Variants in PRKG1 observed in about 807,000 individuals in gnomAD.
PRKG1 encodes protein kinase cGMP-dependent 1, also known as cGMP-dependent protein kinase 1.
A neutral mutation model predicts 88.1 loss-of-function variants in PRKG1; 35 were observed. That is an observed-to-expected ratio of 0.40 (90% CI 0.30 to 0.53). The LOEUF is 0.53. Ranked by LOEUF, PRKG1 falls within the 20% of genes least tolerant of loss-of-function variation. The probability of loss-of-function intolerance (pLI) is 0.59; values close to 1 mark genes in which losing one functional copy is unlikely to be tolerated. For missense variants in PRKG1, 540 were observed against 839.8 expected, an observed-to-expected ratio of 0.64 and a Z score of 4.41; for synonymous variants, 303 against 292.5, an observed-to-expected ratio of 1.04 and a Z score of -0.37.
At chr10:50,993,247 T>C (rs1335680636) in intron 1 of PRKG1, among the ~76,000 whole-genome samples, 1 of 152,198 alleles carries the variant, frequency 6.6e-6, no homozygotes, top group Non-Finnish European at 1.5e-5. Context: ...AGGACTCCTC[T>C]TAAGGAATTG....
Position 51,847,496 on chromosome 10 carries a change from A to G in PRKG1, c.698+42806A>G, listed in dbSNP as rs565732061. The stretch of plus-strand genomic sequence containing the variant: ...TAAAATCTAAAATGAGAAAACCAAT[A>G]TATGTAATTACTCATTGCAAATGAT... On this transcript the variant is annotated intron_variant, in intron 4 of 17. Transcript: ENST00000373980. Among the ~76,000 whole-genome samples the G allele has an allele frequency of 8.5e-5, 13 of 152,164 alleles. No homozygotes were observed. The South Asian group carries it at 2.3e-3, about 27-fold the overall frequency.
chr10:51,464,230 G>T (rs937790231), intron 2 of PRKG1, among the ~76,000 whole-genome samples: 1 of 151,924 alleles, frequency 6.6e-6, no homozygotes, highest in Admixed American at 6.6e-5. Flanking sequence ...AGAGTTTGCC[G>T]TGAGCCAAGA....
intron 7 of PRKG1, among the ~76,000 whole-genome samples, chr10:52,113,567 G>A (rs1335740781): frequency 1.3e-5 from 2 of 152,196 alleles, no homozygotes; most frequent in Non-Finnish European, 1.5e-5. Context: ...AAATAGCGCA[G>A]CAGATATCTG....
In PRKG1 at chr10:51,405,156, T is replaced by C. The variant is rs545826708; in HGVS notation, c.479-62567T>C. Among the ~76,000 whole-genome samples the C allele has an allele frequency of 1.6e-3, 241 of 152,326 alleles. 2 individuals carry two copies. The highest frequency in any genetic ancestry group is 4.7e-4 in the Non-Finnish European group (32 of 68,018). ...TGTTTATTTTTGTGCCACTCATCCA[T>C]CATTCTAAATAGTGGTGGCACATTT... On this transcript the variant is annotated intron_variant, in intron 2 of 17. Coordinates refer to ENST00000373980, the MANE Select transcript of PRKG1 (RefSeq NM_006258.4).
chr10:51,000,624 T>C (rs1201034294), intron 1 of PRKG1, among the ~76,000 whole-genome samples: 1 of 152,194 alleles, frequency 6.6e-6, no homozygotes, highest in Non-Finnish European at 1.5e-5. Flanking sequence ...GAGAAGTGAA[T>C]TTATTTTATA....
At chr10:51,746,022 C>T (rs1475075293) in intron 3 of PRKG1, among the ~76,000 whole-genome samples, 2 of 152,064 alleles carry the variant, frequency 1.3e-5, no homozygotes, top group Non-Finnish European at 2.9e-5. Flanking sequence ...TTTTTGTTTG[C>T]TTTTTTAAAT....
At chr10:51,615,738 G>A (rs907275109) in intron 3 of PRKG1, among the ~76,000 whole-genome samples, 18 of 148,614 alleles carry the variant, frequency 1.2e-4, no homozygotes, top group Admixed American at 4.0e-4. Context: ...ATCTCTTTGT[G>A]TTGTTTTTCA....
At chr10:51,305,847 C>T (rs539898172) in intron 2 of PRKG1, among the ~76,000 whole-genome samples, 4 of 152,274 alleles carry the variant, frequency 2.6e-5, no homozygotes, top group East Asian at 3.9e-4. Context: ...ATTAATATCA[C>T]GTTCCTGATA....
chr10:51,154,533 C>A (rs1285426494), intron 2 of PRKG1, among the ~76,000 whole-genome samples: 1 of 151,896 alleles, frequency 6.6e-6, no homozygotes, highest in African/African-American at 2.4e-5. Flanking sequence ...GTATAGAACA[C>A]CACAACATAA....
intron 3 of PRKG1, among the ~76,000 whole-genome samples, chr10:51,537,647 GA>G (rs552815747): frequency 4.8e-4 from 70 of 146,782 alleles, no homozygotes; most frequent in African/African-American, 1.7e-3. Context: ...AGAATCACTT[GA>G]ACCCAGGAGG....
At chr10:52,167,705 G>A (rs1429676794) in intron 9 of PRKG1, among the ~76,000 whole-genome samples, 1 of 151,570 alleles carries the variant, frequency 6.6e-6, no homozygotes, top group African/African-American at 2.4e-5. Context: ...ACTACTTTGT[G>A]TCGTGACATT....
At chr10:50,995,907 C>T (rs1316990207) in intron 1 of PRKG1, among the ~76,000 whole-genome samples, 1 of 152,148 alleles carries the variant, frequency 6.6e-6, no homozygotes, top group African/African-American at 2.4e-5. Context: ...GGCATGGATG[C>T]CTTGGGATGG....
intron 14 of PRKG1, among the ~76,000 whole-genome samples, chr10:52,287,698 TA>T (rs34027188): frequency 0.63 from 86,518 of 138,026 alleles, 26,353 homozygotes; most frequent in East Asian, 0.75. Flanking sequence ...ATGGATCAGT[TA>T]AAAAAAAAAA....
intron 1 of PRKG1, among the ~76,000 whole-genome samples, chr10:51,135,825 G>C (rs1845671522): frequency 6.6e-6 from 1 of 151,910 alleles, no homozygotes; most frequent in African/African-American, 2.4e-5. Flanking sequence ...ATGGATATTG[G>C]GGGAGCAGTT....
At chr10:51,721,881 T>C (rs929433778) in intron 3 of PRKG1, among the ~76,000 whole-genome samples, 6 of 152,224 alleles carry the variant, frequency 3.9e-5, no homozygotes, top group Non-Finnish European at 8.8e-5. Context: ...CATTTAGCTA[T>C]AAACATGCAT....
chr10:51,023,971 T>C (rs1843170112), intron 1 of PRKG1, among the ~76,000 whole-genome samples: 1 of 152,216 alleles, frequency 6.6e-6, no homozygotes, highest in Non-Finnish European at 1.5e-5. Flanking sequence ...TAGTGAAACA[T>C]TTATGCCATT....
chr10:51,461,235 A>T (rs1415080317), intron 2 of PRKG1, among the ~76,000 whole-genome samples: 3 of 152,132 alleles, frequency 2.0e-5, no homozygotes, highest in Admixed American at 2.0e-4. Context: ...TTCAACCTCA[A>T]CTAGACTTTT....
At chr10:51,424,510 C>T (rs1276475978) in intron 2 of PRKG1, among the ~76,000 whole-genome samples, 1 of 152,094 alleles carries the variant, frequency 6.6e-6, no homozygotes, top group African/African-American at 2.4e-5. Context: ...CTAAAATTAA[C>T]TGTCTTCTTG....
chr10:52,251,641 T>C lies in PRKG1; in HGVS notation c.1148T>C (p.Val383Ala), dbSNP rs1841172020. ...TTCAACATCATTGATACCCTTGGAG[T>C]TGGAGGTTTCGGACGAGTAGAACTG... Reference protein sequence around the residue: ...SDFNIIDTLGVGGFGRVELVQ... With the variant: ...SDFNIIDTLGAGGFGRVELVQ... Residue 383 changes from valine (V) to alanine (A), a missense_variant, in exon 10 of 18, where the codon GTT (valine) becomes GCT (alanine). Physicochemically the swap from Val to Ala is moderately conservative, Grantham distance 64 (BLOSUM62 0). This residue lies in a region of PRKG1 where 400 missense variants were observed against 562.7 expected (regional missense o/e 0.71). Coordinates refer to ENST00000373980, the MANE Select transcript of PRKG1 (RefSeq NM_006258.4). 1 of 1,613,488 alleles carries C rather than the reference T, an allele frequency of 6.2e-7. No individual in the cohort carries two copies.
Sources: gnomAD v4.1 joint callset for allele counts (sites outside exome capture counted in the v4.1 genomes callset) on GRCh38, gnomAD v4.1.1 for gene constraint, gnomAD v4.1.1 regional missense constraint, MANE v1.5 for transcripts, NCBI Gene and HGNC (gene_info 2026-07-23, HGNC 2026-07-21) for gene names.